Variants in BBX observed in about 807,000 individuals in gnomAD.
The protein encoded by BBX is BBX high mobility group box domain containing.
BBX carries 30 observed loss-of-function variants against 100.2 expected under a neutral mutation model. That is an observed-to-expected ratio of 0.30 (90% CI 0.22 to 0.41). The LOEUF (loss-of-function observed/expected upper bound fraction) is 0.41, where lower values mean the gene tolerates loss of function less well. Among genes scored for constraint, BBX ranks in the 10% least tolerant of loss-of-function variants. The probability of loss-of-function intolerance (pLI) is 1.00; values close to 1 mark genes in which losing one functional copy is unlikely to be tolerated. For missense variants in BBX, 1,023 were observed against 1,129.8 expected, an observed-to-expected ratio of 0.91 and a Z score of 1.35; for synonymous variants, 376 against 388.1, an observed-to-expected ratio of 0.97 and a Z score of 0.37.
chr3:107,627,035 G>C (rs757552431), intron 2 of BBX, among the ~76,000 whole-genome samples: 17 of 152,130 alleles, frequency 1.1e-4, no homozygotes, highest in Non-Finnish European at 2.4e-4. Flanking sequence ...AAGCCACAAT[G>C]TCTTGAATGA....
chr3:107,714,309 C>T (rs994359336), intron 4 of BBX, among the ~76,000 whole-genome samples: 1 of 152,058 alleles, frequency 6.6e-6, no homozygotes, highest in African/African-American at 2.4e-5. Context: ...GCAACCTTTT[C>T]CAGGGAGGCC....
chr3:107,707,486 A>G (rs1047576585), intron 3 of BBX, among the ~76,000 whole-genome samples: 1 of 152,184 alleles, frequency 6.6e-6, no homozygotes, highest in Non-Finnish European at 1.5e-5. Context: ...ATGTGCCAGG[A>G]TGTTTCTGAG....
intron 14 of BBX, among the ~76,000 whole-genome samples, chr3:107,790,707 C>G (rs1045359710): frequency 1.4e-4 from 22 of 152,132 alleles, no homozygotes; most frequent in Admixed American, 1.3e-3. Flanking sequence ...CATCCGGTGC[C>G]CATTTGCATC....
chr3:107,719,022 CT>C, intron 5 of BBX, among the ~76,000 whole-genome samples: 1 of 152,056 alleles, frequency 6.6e-6, no homozygotes, highest in East Asian at 1.9e-4. Context: ...GGTAATTGTG[CT>C]GGTGCTTTTT....
At chr3:107,689,576 A>G (rs2060031827) in intron 3 of BBX, among the ~76,000 whole-genome samples, 1 of 152,200 alleles carries the variant, frequency 6.6e-6, no homozygotes, top group Non-Finnish European at 1.5e-5. Flanking sequence ...ATATTTACAA[A>G]ATACAAAGTG....
At chr3:107,704,320 A>G (rs2061262448) in intron 3 of BBX, among the ~76,000 whole-genome samples, 1 of 152,232 alleles carries the variant, frequency 6.6e-6, no homozygotes, top group Admixed American at 6.5e-5. Context: ...TACCCTTTCC[A>G]GAAACTACTG....
chr3:107,664,380 T>G (rs9862105), intron 3 of BBX, among the ~76,000 whole-genome samples: 54,699 of 152,140 alleles, frequency 0.36, 12,253 homozygotes, highest in Middle Eastern at 0.53. Flanking sequence ...TTAAAATTAC[T>G]AGATTTTTGT....
intron 5 of BBX, among the ~76,000 whole-genome samples, chr3:107,721,389 G>T (rs1219793903): frequency 6.6e-6 from 1 of 151,680 alleles, no homozygotes; most frequent in Non-Finnish European, 1.5e-5. Context: ...TTTTGCAGGG[G>T]TTGGGGGTTC....
At chr3:107,533,920 A>T (rs1392683378) in intron 2 of BBX, among the ~76,000 whole-genome samples, 6 of 152,144 alleles carry the variant, frequency 3.9e-5, no homozygotes, top group African/African-American at 1.2e-4. Context: ...ATTGTTTTGT[A>T]GAGGTTCTAG....
At chr3:107,766,018 C>T (rs1353965618) in intron 10 of BBX, among the ~76,000 whole-genome samples, 1 of 152,068 alleles carries the variant, frequency 6.6e-6, no homozygotes, top group Non-Finnish European at 1.5e-5. Flanking sequence ...AACTAAAGTG[C>T]TCAGAAGAAG....
chr3:107,699,884 T>C (rs1253869185), intron 3 of BBX, among the ~76,000 whole-genome samples: 1 of 151,932 alleles, frequency 6.6e-6, no homozygotes, highest in African/African-American at 2.4e-5. Flanking sequence ...CCAGAGGTGA[T>C]AGACATGTTG....
At chr3:107,716,536 C>T in intron 4 of BBX, 71 bp from the exon 5 acceptor site, 1 of 1,554,052 alleles carries the variant, frequency 6.4e-7, no homozygotes. Flanking sequence ...AATTTGCAAA[C>T]CAAGACTAAC....
rs565764995 is a variant in BBX, at chr3:107,725,143, G to A, written c.406-3622G>A. On this transcript the variant is annotated intron_variant, in intron 5 of 17. Coordinates refer to ENST00000325805, the MANE Select transcript of BBX (RefSeq NM_001142568.3). Reference sequence around the variant, plus strand: ...CTTCACATCCCTTGTAAGTTGGATTGCTAGGTATTTTATTCTCTTTGAAGC... The same window carrying A: ...CTTCACATCCCTTGTAAGTTGGATTACTAGGTATTTTATTCTCTTTGAAGC... Among the ~76,000 whole-genome samples the A allele has an allele frequency of 9.9e-3, 1,498 of 152,030 alleles. 10 individuals are homozygous for A. Among genetic ancestry groups the A allele is most frequent in the Non-Finnish European group, 0.016 (1,059 of 67,938 alleles).
chr3:107,593,801 A>C (rs1035138864), intron 2 of BBX, among the ~76,000 whole-genome samples: 6 of 152,240 alleles, frequency 3.9e-5, no homozygotes, highest in African/African-American at 1.2e-4. Flanking sequence ...AAGTCCCCCC[A>C]AAAACCAAAC....
chr3:107,703,352 C>T (rs184187293), intron 3 of BBX, among the ~76,000 whole-genome samples: 2 of 152,300 alleles, frequency 1.3e-5, no homozygotes, highest in East Asian at 3.9e-4. Flanking sequence ...CCTCAAGCCA[C>T]CTCTTTGGAT....
intron 7 of BBX, among the ~76,000 whole-genome samples, chr3:107,742,930 G>T (rs2064235573): frequency 6.6e-6 from 1 of 152,102 alleles, no homozygotes; most frequent in Non-Finnish European, 1.5e-5. Flanking sequence ...AAAGAAAGTT[G>T]AATTTTCTTC....
Position 107,597,369 on chromosome 3 carries a change from G to A in BBX, c.-83-48467G>A, listed in dbSNP as rs531315158. Among the ~76,000 whole-genome samples the A allele has an allele frequency of 2.0e-5, 3 of 152,204 alleles. No homozygotes were observed. In the South Asian group the frequency reaches 6.2e-4, roughly 32 times the overall value. ...TGATTGTTTTTAAAAAGTATCATTA[G>A]AGTGATGATTAGAACACAGTAGGTC... On this transcript the variant is annotated intron_variant, in intron 2 of 17. Coordinates refer to ENST00000325805, the MANE Select transcript of BBX (RefSeq NM_001142568.3).
chr3:107,685,274 C>T (rs1014591449), intron 3 of BBX, among the ~76,000 whole-genome samples: 3 of 152,070 alleles, frequency 2.0e-5, no homozygotes, highest in African/African-American at 4.8e-5. Flanking sequence ...GGTTCTTGTT[C>T]GTGGAATCAG....
At chr3:107,581,146 A>G (rs185809476) in intron 2 of BBX, among the ~76,000 whole-genome samples, 292 of 152,228 alleles carry the variant, frequency 1.9e-3, no homozygotes, top group Non-Finnish European at 3.3e-3. Context: ...CCAAGCTTTT[A>G]ATTTTTCATA....
Sources: gnomAD v4.1 joint callset for allele counts (sites outside exome capture counted in the v4.1 genomes callset) on GRCh38, gnomAD v4.1.1 for gene constraint, MANE v1.5 for transcripts, NCBI Gene and HGNC (gene_info 2026-07-23, HGNC 2026-07-21) for gene names.